The following LEPROTL1 variants were observed in gnomAD, a reference collection of about 807,000 sequenced individuals.
LEPROTL1 encodes the protein leptin receptor overlapping transcript like 1.
In LEPROTL1, 6 loss-of-function variants were observed where a neutral mutation model predicts 15.4. That is an observed-to-expected ratio of 0.39 (90% CI 0.21 to 0.77). The LOEUF is 0.77. LEPROTL1 is among the 30% of genes least tolerant of loss of function. The pLI, the probability that LEPROTL1 is intolerant of heterozygous loss-of-function variation, is 0.41. For missense variants in LEPROTL1, 128 were observed against 158.1 expected (o/e 0.81, Z 1.02); for synonymous variants, 56 against 52.6 (o/e 1.06, Z -0.28).
intron 1 of LEPROTL1, chr8:30,095,844 T>G (rs1802353448): frequency 1.4e-6 from 1 of 701,562 alleles, no homozygotes. Flanking sequence ...CGTCGCGACT[T>G]GGACGGCCAC....
chr8:30,110,502 G>A (rs1802639997), downstream of LEPROTL1, among the ~76,000 whole-genome samples: 1 of 152,088 alleles, frequency 6.6e-6, no homozygotes. Context: ...GGGTTGGGGG[G>A]CGGTGCGGAT....
intron 1 of LEPROTL1, among the ~76,000 whole-genome samples, chr8:30,097,710 C>T (rs1468985723): frequency 6.8e-6 from 1 of 147,054 alleles, no homozygotes; most frequent in African/African-American, 2.5e-5. Flanking sequence ...CACACACACA[C>T]ACACACACAC....
chr8:30,096,383 A>G (rs910647203), intron 1 of LEPROTL1: 1 of 984,836 alleles, frequency 1.0e-6, no homozygotes, highest in Non-Finnish European at 1.2e-6. Context: ...TGATTTCTTG[A>G]CCTGCCGCTC....
At chr8:30,116,220 A>T in intron 3 of LEPROTL1, among the ~76,000 whole-genome samples, 1 of 151,994 alleles carries the variant, frequency 6.6e-6, no homozygotes, top group Admixed American at 6.6e-5. Flanking sequence ...AGCCTGGGTG[A>T]CAGAGTGAGA....
At chr8:30,124,443 T>C (rs1802879160) in intron 3 of LEPROTL1, among the ~76,000 whole-genome samples, 1 of 152,214 alleles carries the variant, frequency 6.6e-6, no homozygotes, top group Admixed American at 6.5e-5. Context: ...CCATTCTCTC[T>C]AACTCAGATT....
intron 3 of LEPROTL1, among the ~76,000 whole-genome samples, chr8:30,119,766 T>A (rs1802798189): frequency 1.3e-5 from 2 of 152,184 alleles, no homozygotes; most frequent in African/African-American, 2.4e-5. Context: ...TTTTCGTGAT[T>A]TTTTTATAAA....
chr8:30,105,031 C>G (rs1802539480), intron 3 of LEPROTL1: 1 of 152,444 alleles, frequency 6.6e-6, no homozygotes, highest in South Asian at 2.1e-4. Flanking sequence ...TAATACTTAA[C>G]TGTCAGAGTT....
intron 1 of LEPROTL1, among the ~76,000 whole-genome samples, chr8:30,098,137 A>G (rs897558996): frequency 2.6e-5 from 4 of 152,082 alleles, no homozygotes; most frequent in Non-Finnish European, 5.9e-5. Flanking sequence ...GTCAAAGGGC[A>G]ATTCTTGCTT....
intron 3 of LEPROTL1, among the ~76,000 whole-genome samples, chr8:30,126,481 A>G (rs1802909360): frequency 6.6e-6 from 1 of 152,168 alleles, no homozygotes; most frequent in Non-Finnish European, 1.5e-5. Flanking sequence ...CATGGAATTG[A>G]TGAATCCAGT....
chr8:30,099,557 G>A (rs1033689424), intron 1 of LEPROTL1, among the ~76,000 whole-genome samples: 3 of 134,838 alleles, frequency 2.2e-5, no homozygotes, highest in African/African-American at 8.4e-5. Flanking sequence ...AGTCAAGATC[G>A]CGCCACTGCA....
At chr8:30,096,212 TTAAG>T in intron 1 of LEPROTL1, 2 of 901,832 alleles carry the variant, frequency 2.2e-6, no homozygotes, top group Non-Finnish European at 2.7e-6. Flanking sequence ...TTTTTTTTTT[TTAAG>T]AAGATAAAAT....
intron 3 of LEPROTL1, among the ~76,000 whole-genome samples, chr8:30,130,803 G>A (rs1802992789): frequency 8.0e-6 from 1 of 125,338 alleles, no homozygotes; most frequent in African/African-American, 2.9e-5. Context: ...TTTTTGAGGT[G>A]GAATCTTGCT....
chr8:30,131,278 G>GTATATA (rs376348977), intron 3 of LEPROTL1, among the ~76,000 whole-genome samples: 79 of 95,048 alleles, frequency 8.3e-4, no homozygotes, highest in East Asian at 5.2e-3. Context: ...ATATGTGTGT[G>GTATATA]TATATATATA....
chr8:30,123,717 A>G (rs1802866666), intron 3 of LEPROTL1, among the ~76,000 whole-genome samples: 1 of 152,228 alleles, frequency 6.6e-6, no homozygotes, highest in South Asian at 2.1e-4. Context: ...ATCCAGACCT[A>G]TCATTTATTC....
intron 1 of LEPROTL1, 131 bp downstream of exon 1, chr8:30,095,659 C>A (rs1038232309): frequency 3.8e-6 from 3 of 780,106 alleles, no homozygotes; most frequent in Non-Finnish European, 5.5e-6. Context: ...GGGGAAGCGA[C>A]CCCCGCCCCG....
chr8:30,128,282 A>G (rs565969676), intron 3 of LEPROTL1, among the ~76,000 whole-genome samples: 1 of 152,348 alleles, frequency 6.6e-6, no homozygotes, highest in Admixed American at 6.5e-5. Context: ...TAGAAAAAGA[A>G]GGAAGCAGAC....
At chr8:30,125,785 C>T (rs1563218784) in intron 3 of LEPROTL1, among the ~76,000 whole-genome samples, 1 of 152,178 alleles carries the variant, frequency 6.6e-6, no homozygotes, top group African/African-American at 2.4e-5. Flanking sequence ...GGGGTTCAGA[C>T]TGCTTCCCCA....
intron 4 of LEPROTL1, among the ~76,000 whole-genome samples, chr8:30,136,337 C>T (rs186443786): frequency 1.5e-3 from 230 of 152,308 alleles, no homozygotes; most frequent in African/African-American, 4.9e-3. Context: ...GACCATCACG[C>T]GGACATACAG....
chr8:30,116,022 C>T (rs1802736600), intron 3 of LEPROTL1, among the ~76,000 whole-genome samples: 1 of 152,118 alleles, frequency 6.6e-6, no homozygotes, highest in South Asian at 2.1e-4. Flanking sequence ...GGGCGGATTG[C>T]TTGAGCCCAG....
Sources: gnomAD v4.1 joint callset for allele counts (sites outside exome capture counted in the v4.1 genomes callset) on GRCh38, gnomAD v4.1.1 for gene constraint, MANE v1.5 for transcripts, NCBI Gene and HGNC (gene_info 2026-07-23, HGNC 2026-07-21) for gene names.